DTHD1: variants seen among roughly 807,000 people sequenced by gnomAD.
DTHD1 encodes death domain containing 1.
A neutral mutation model predicts 74.8 loss-of-function variants in DTHD1; 59 were observed. The observed-to-expected ratio is 0.79, with a 90% CI of 0.64 to 0.98. The LOEUF is 0.98. Among genes scored for constraint, DTHD1 ranks in the 50% least tolerant of loss-of-function variants. DTHD1 has a pLI of 0.00. For synonymous variants in DTHD1, 365 were observed against 371.1 expected (o/e 0.98, Z 0.19); for missense variants, 1,051 against 1,065.4 (o/e 0.99, Z 0.19).
chr4:36,319,464 G>C (rs575920438), intron 8 of DTHD1, among the ~76,000 whole-genome samples: 93 of 152,344 alleles, frequency 6.1e-4, no homozygotes, highest in African/African-American at 2.2e-3. Flanking sequence ...GGAGTGGAGA[G>C]GGGTACCTAA....
At position 36,316,369 on chromosome 4, in the gene DTHD1, C is replaced by G. The variant is rs1023206657; in HGVS notation, c.2223C>G (p.Thr741=). 1.9e-6 allele frequency: 3 copies of G among 1,552,020 alleles called. No individual in the cohort carries two copies. The highest frequency in any genetic ancestry group is 2.6e-6 in the Non-Finnish European group (3 of 1,147,090). The change falls in exon 8 of 10, where the codon ACC becomes ACG. Residue 741 remains threonine, a synonymous_variant. Transcript: ENST00000639862. ...GNYSCPHYKG[T]IVVYKVPKGK... is the part of the protein sequence containing the mutation. ...ATAGTTGCCCTCATTACAAAGGCAC[C>G]ATTGTCGTTTATAAAGTACCTAAAG...
intron 7 of DTHD1, among the ~76,000 whole-genome samples, chr4:36,308,992 C>CG (rs1314722407): frequency 7.4e-6 from 1 of 134,736 alleles, no homozygotes; most frequent in African/African-American, 3.0e-5. Flanking sequence ...AGTGGACTCC[C>CG]AAAAATGTGT....
rs982572165 is a variant in DTHD1 at position 36,347,467 on chromosome 4, G to A, written c.*3643G>A. On this transcript the variant is annotated 3_prime_UTR_variant, in exon 10 of 10. Transcript: ENST00000639862. ...ATAGTTTACCATAGTTCATTTAACC[G>A]TGTTCTATATTCAGGACCATTTAGC... Among the ~76,000 whole-genome samples, 6 of 151,904 alleles carry A rather than the reference G, an allele frequency of 3.9e-5. No homozygotes were observed. Among genetic ancestry groups the A allele is most frequent in the Non-Finnish European group, 5.9e-5 (4 of 67,964 alleles).
intron 5 of DTHD1, among the ~76,000 whole-genome samples, chr4:36,302,419 G>T (rs1756830561): frequency 2.0e-5 from 3 of 152,140 alleles, no homozygotes; most frequent in African/African-American, 7.2e-5. Context: ...CATCAGGAGA[G>T]AACGTTTCTC....
rs989684665 is a variant in DTHD1 at position 36,299,829 on chromosome 4, C to A, written c.1643+4790C>A. On this transcript the variant is annotated intron_variant, in intron 5 of 9. Transcript: ENST00000639862. ...TCTATTATTTGAGTTTTGTTTTAGA[C>A]AATTTTATTTTTTATTTCTTAAAGT... is the stretch of plus-strand genomic sequence containing the variant. 2.0e-5 allele frequency among the ~76,000 whole-genome samples: 3 copies of A among 152,116 alleles called. No individual in the cohort carries two copies. The South Asian group carries it at 6.2e-4, about 32-fold the overall frequency.
At chr4:36,302,215 C>T (rs1560795578) in intron 5 of DTHD1, among the ~76,000 whole-genome samples, 1 of 152,176 alleles carries the variant, frequency 6.6e-6, no homozygotes, top group African/African-American at 2.4e-5. Flanking sequence ...TGCATCAGAT[C>T]ATGGGGGATC....
chr4:36,322,687 C>T (rs1351268074), intron 8 of DTHD1, among the ~76,000 whole-genome samples: 2 of 152,106 alleles, frequency 1.3e-5, no homozygotes, highest in East Asian at 3.9e-4. Flanking sequence ...ACTTCATATT[C>T]TATATAATCT....
At chr4:36,299,731 T>C (rs1272586497) in intron 5 of DTHD1, among the ~76,000 whole-genome samples, 1 of 152,226 alleles carries the variant, frequency 6.6e-6, no homozygotes, top group Non-Finnish European at 1.5e-5. Flanking sequence ...CTATGTGCCA[T>C]ATTCTGTGCA....
rs374555683 is a variant in DTHD1, at chr4:36,295,028, G to A, written c.1632G>A (p.Ser544=). ...CCACAATAAATAGGATTACACCTTC[G>A]TATTTCAACCGGTGAGTAAGTTTCT... ...ASATINRITP[S]YFNRTKIASI... is the part of the protein sequence containing the mutation. The change falls in exon 5 of 10, where the codon TCG becomes TCA. Residue 544 remains serine, a synonymous_variant. Transcript: ENST00000639862. The A allele has an allele frequency of 1.2e-5, 19 of 1,534,134 alleles. 1 individual carries two copies. Among genetic ancestry groups the A allele is most frequent in the Admixed American group, 1.2e-4 (6 of 50,052 alleles).
rs763048359 is a variant in DTHD1 at position 36,294,872 on chromosome 4, C to T, written c.1476C>T (p.Ser492=). ...QDTFYSVQST[S]PLIHIQHPST... ...CTTTCTACTCAGTCCAATCCACAAG[C>T]CCTCTGATTCACATTCAGCACCCAT... The change falls in exon 5 of 10, where the codon AGC becomes AGT. Residue 492 remains serine, a synonymous_variant. Transcript: ENST00000639862. 11 of 1,551,840 alleles carry T rather than the reference C, an allele frequency of 7.1e-6. No individual in the cohort carries two copies. Among genetic ancestry groups the T allele is most frequent in the South Asian group, 2.4e-5 (2 of 84,048 alleles).
intron 8 of DTHD1, chr4:36,333,953 G>GT (rs1758850769): frequency 1.3e-5 from 2 of 152,132 alleles, no homozygotes; most frequent in African/African-American, 4.8e-5. Flanking sequence ...CGTGATTCCT[G>GT]TGAGGTAATT....
chr4:36,286,645 T>C (rs1394151689), intron 2 of DTHD1, among the ~76,000 whole-genome samples: 2 of 152,204 alleles, frequency 1.3e-5, no homozygotes, highest in Non-Finnish European at 2.9e-5. Flanking sequence ...GATGGTTGGG[T>C]GATTTTGTCA....
intron 9 of DTHD1, among the ~76,000 whole-genome samples, chr4:36,342,548 A>G (rs1393761335): frequency 6.6e-6 from 1 of 152,150 alleles, no homozygotes; most frequent in Admixed American, 6.5e-5. Flanking sequence ...AACCATAACA[A>G]CAGGTGAACA....
intron 8 of DTHD1, among the ~76,000 whole-genome samples, chr4:36,324,466 C>A (rs1277217744): frequency 1.3e-5 from 2 of 152,188 alleles, no homozygotes; most frequent in African/African-American, 4.8e-5. Flanking sequence ...GATGTGTTTG[C>A]ACTTATTCTC....
At chr4:36,319,782 G>A (rs1237272982) in intron 8 of DTHD1, among the ~76,000 whole-genome samples, 1 of 152,186 alleles carries the variant, frequency 6.6e-6, no homozygotes, top group East Asian at 1.9e-4. Flanking sequence ...ATAATTTAGG[G>A]GTTTGTATAG....
At chr4:36,285,328 C>T (rs1196042041) in intron 2 of DTHD1, among the ~76,000 whole-genome samples, 1 of 152,104 alleles carries the variant, frequency 6.6e-6, no homozygotes, top group East Asian at 1.9e-4. Flanking sequence ...GCCTCAGATT[C>T]ACTTTATTTA....
intron 3 of DTHD1, among the ~76,000 whole-genome samples, chr4:36,291,753 G>A (rs550583092): frequency 6.6e-5 from 10 of 152,258 alleles, no homozygotes; most frequent in South Asian, 2.1e-4. Flanking sequence ...GCTTGAACCC[G>A]GGAAGCGGAG....
At chr4:36,305,373 G>A (rs947438058) in intron 5 of DTHD1, among the ~76,000 whole-genome samples, 1 of 152,070 alleles carries the variant, frequency 6.6e-6, no homozygotes, top group Non-Finnish European at 1.5e-5. Flanking sequence ...TGTCTTACAT[G>A]GCAGAAGGCA....
At chr4:36,311,411 C>CT (rs1326356133) in intron 7 of DTHD1, 7 of 152,152 alleles carry the variant, frequency 4.6e-5, no homozygotes, top group Non-Finnish European at 1.0e-4. Flanking sequence ...CTCTGTGAAT[C>CT]TCAAAGAGAT....
Sources: allele counts gnomAD v4.1 joint callset (sites outside exome capture counted in the v4.1 genomes callset), GRCh38; gene constraint gnomAD v4.1.1; transcripts MANE v1.5; gene names NCBI Gene and HGNC (gene_info 2026-07-23, HGNC 2026-07-21).